Variants in MCUB observed in about 807,000 individuals in gnomAD.
MCUB encodes the protein calcium uniporter regulatory subunit MCUb, mitochondrial.
In MCUB, 46 loss-of-function variants were observed where a neutral mutation model predicts 41.4. That is an observed-to-expected ratio of 1.11 (90% CI 0.88 to 1.42). The LOEUF is 1.42. MCUB is among the 40% of genes most tolerant of loss of function. MCUB has a pLI of 0.00. For missense variants in MCUB, 403 were observed against 404.9 expected, an observed-to-expected ratio of 1.00 and a Z score of 0.04; for synonymous variants, 148 against 148.2, an observed-to-expected ratio of 1.00 and a Z score of 0.01.
chr4:109,594,785 T>A lies in MCUB; in HGVS notation c.99+34349T>A, dbSNP rs550194845. Among the ~76,000 whole-genome samples, 543 of 152,000 alleles carry A rather than the reference T, an allele frequency of 3.6e-3. 6 individuals carry two copies. The highest frequency in any genetic ancestry group is 0.014 in the East Asian group (70 of 5,184). On this transcript the variant is annotated intron_variant, in intron 1 of 7. Transcript: ENST00000394650. Reference sequence around the variant, plus strand: ...CTCCGGAAAAATTCTCTTTCTTTTTTTTTTTTTAAGGAGAGATGTATGGTC... The same window carrying A: ...CTCCGGAAAAATTCTCTTTCTTTTTATTTTTTTAAGGAGAGATGTATGGTC...
chr4:109,654,142 C>T (rs1187248829), intron 1 of MCUB, among the ~76,000 whole-genome samples: 1 of 151,772 alleles, frequency 6.6e-6, no homozygotes, highest in East Asian at 1.9e-4. Context: ...GCATTTAATT[C>T]CTCATGTATT....
chr4:109,575,246 C>A (rs1726999974), intron 1 of MCUB, among the ~76,000 whole-genome samples: 1 of 152,202 alleles, frequency 6.6e-6, no homozygotes, highest in African/African-American at 2.4e-5. Flanking sequence ...CCGCTCCTTA[C>A]CATCTGCCTT....
intron 1 of MCUB, among the ~76,000 whole-genome samples, chr4:109,569,411 A>C (rs1042968326): frequency 6.7e-6 from 1 of 150,224 alleles, no homozygotes; most frequent in Admixed American, 6.6e-5. Context: ...TCATATCAGG[A>C]TTTTTAAAGG....
At chr4:109,615,128 C>T (rs1485399064) in intron 1 of MCUB, among the ~76,000 whole-genome samples, 1 of 152,170 alleles carries the variant, frequency 6.6e-6, no homozygotes, top group Non-Finnish European at 1.5e-5. Flanking sequence ...CCCTCTTTTC[C>T]CCCTGGAAGG....
At chr4:109,569,809 C>G (rs886466053) in intron 1 of MCUB, among the ~76,000 whole-genome samples, 1 of 152,108 alleles carries the variant, frequency 6.6e-6, no homozygotes, top group African/African-American at 2.4e-5. Context: ...GGCCAGGTCT[C>G]TGTGTTACAG....
chr4:109,647,824 A>T (rs1728871978), intron 1 of MCUB, among the ~76,000 whole-genome samples: 2 of 152,148 alleles, frequency 1.3e-5, no homozygotes, highest in African/African-American at 2.4e-5. Flanking sequence ...GGTAAAAGGG[A>T]TGTAGAACTG....
chr4:109,573,599 C>T (rs1370629152), intron 1 of MCUB, among the ~76,000 whole-genome samples: 4 of 152,084 alleles, frequency 2.6e-5, no homozygotes, highest in Admixed American at 6.6e-5. Context: ...TGGAAGTTTC[C>T]GTTGATCCAC....
At chr4:109,651,943 T>C (rs1379319470) in intron 1 of MCUB, among the ~76,000 whole-genome samples, 1 of 152,222 alleles carries the variant, frequency 6.6e-6, no homozygotes, top group Non-Finnish European at 1.5e-5. Context: ...CCACACTAAT[T>C]GCGCCTCCAC....
chr4:109,666,199 T>C (rs1431112417), intron 4 of MCUB, among the ~76,000 whole-genome samples: 1 of 152,220 alleles, frequency 6.6e-6, no homozygotes, highest in African/African-American at 2.4e-5. Flanking sequence ...TTTATTCACC[T>C]ACTGAAGGAC....
At chr4:109,681,942 G>T (rs1241036639) in intron 4 of MCUB, among the ~76,000 whole-genome samples, 1 of 152,244 alleles carries the variant, frequency 6.6e-6, no homozygotes, top group Admixed American at 6.5e-5. Context: ...GACCCAAAGG[G>T]GGTTGCCATT....
intron 1 of MCUB, among the ~76,000 whole-genome samples, chr4:109,598,549 C>T (rs901354051): frequency 1.3e-5 from 2 of 152,074 alleles, no homozygotes; most frequent in African/African-American, 2.4e-5. Context: ...GGCAGCAGTA[C>T]AGTCCAGCTT....
Position 109,684,486 on chromosome 4 carries a change from G to A in MCUB, c.656G>A (p.Gly219Glu), listed in dbSNP as rs757930325. Residue 219 changes from glycine (G) to glutamate (E), a missense_variant, in exon 6 of 8, where the codon GGA (glycine) becomes GAA (glutamate). Coordinates refer to ENST00000394650, the MANE Select transcript of MCUB (RefSeq NM_017918.5). ...IEAHSEAKTS[G>E]LLWAGLALLS... ...GCTCATTCGGAAGCCAAAACCAGTG[G>A]ACTCCTGTGGGCTGGATTGGCACTG... 6.2e-7 allele frequency: 1 copy of A among 1,613,496 alleles called. No homozygotes were observed. Among genetic ancestry groups the A allele is most frequent in the African/African-American group, 1.3e-5 (1 of 75,022 alleles).
intron 3 of MCUB, among the ~76,000 whole-genome samples, chr4:109,661,185 C>A (rs1429542578): frequency 6.6e-6 from 1 of 152,132 alleles, no homozygotes; most frequent in Admixed American, 6.5e-5. Context: ...ATTTAGAATA[C>A]AGCTTTCATG....
At chr4:109,592,003 C>A (rs367631999) in intron 1 of MCUB, among the ~76,000 whole-genome samples, 6 of 152,096 alleles carry the variant, frequency 3.9e-5, no homozygotes, top group Non-Finnish European at 8.8e-5. Flanking sequence ...CCCAGCCTCT[C>A]GAGTATTTTC....
At chr4:109,590,757 C>G (rs1257140791) in intron 1 of MCUB, among the ~76,000 whole-genome samples, 1 of 152,156 alleles carries the variant, frequency 6.6e-6, no homozygotes, top group Non-Finnish European at 1.5e-5. Flanking sequence ...ACTCCTGCCC[C>G]ATGCTTGTCT....
At chr4:109,572,896 T>C (rs1002867902) in intron 1 of MCUB, among the ~76,000 whole-genome samples, 3 of 152,192 alleles carry the variant, frequency 2.0e-5, no homozygotes, top group Non-Finnish European at 4.4e-5. Flanking sequence ...GTATTGTCTG[T>C]GGAATATTAG....
chr4:109,608,367 C>T (rs1049025991), intron 1 of MCUB, among the ~76,000 whole-genome samples: 11 of 152,084 alleles, frequency 7.2e-5, no homozygotes, highest in Non-Finnish European at 1.6e-4. Flanking sequence ...GGTCATGTAT[C>T]TCTGTTTCTT....
chr4:109,615,320 G>A (rs1372259968), intron 1 of MCUB, among the ~76,000 whole-genome samples: 1 of 152,078 alleles, frequency 6.6e-6, no homozygotes, highest in Non-Finnish European at 1.5e-5. Flanking sequence ...AGAGTCTTGT[G>A]GGGAATATGG....
chr4:109,629,113 A>C (rs1728421899), intron 1 of MCUB, among the ~76,000 whole-genome samples: 1 of 152,048 alleles, frequency 6.6e-6, no homozygotes, highest in Admixed American at 6.6e-5. Context: ...CCTCCTTAGA[A>C]CTTTTCTTTT....
Sources: gnomAD v4.1 joint callset for allele counts (sites outside exome capture counted in the v4.1 genomes callset) on GRCh38, gnomAD v4.1.1 for gene constraint, MANE v1.5 for transcripts, NCBI Gene and HGNC (gene_info 2026-07-23, HGNC 2026-07-21) for gene names.